CEP63: variants seen among roughly 807,000 people sequenced by gnomAD.
The protein encoded by CEP63 is centrosomal protein 63, also known as centrosomal protein of 63 kDa.
CEP63 carries 84 observed loss-of-function variants against 89.1 expected under a neutral mutation model. The observed-to-expected ratio is 0.94, with a 90% CI of 0.79 to 1.13. CEP63 has a LOEUF of 1.13. CEP63 is among the 50% of genes most tolerant of loss of function. CEP63 has a pLI of 0.00. For synonymous variants in CEP63, 267 were observed against 272.5 expected (o/e 0.98, Z 0.20); for missense variants, 838 against 813.3 (o/e 1.03, Z -0.37).
the CEP63 span, among the ~76,000 whole-genome samples, chr3:134,684,847 T>G: frequency 6.6e-6 from 1 of 152,336 alleles, no homozygotes; most frequent in East Asian, 1.9e-4. Flanking sequence ...CATATCCCTC[T>G]CTGGACCCTG....
chr3:134,652,444 G>GCCCCCCCCCCCCCC, the CEP63 span, among the ~76,000 whole-genome samples: 10 of 144,720 alleles, frequency 6.9e-5, no homozygotes, highest in African/African-American at 1.8e-4. Flanking sequence ...CATTACCAGC[G>GCCCCCCCCCCCCCC]CCCCCCCCCA....
the CEP63 span, among the ~76,000 whole-genome samples, chr3:134,667,732 G>C: frequency 3.9e-5 from 6 of 152,100 alleles, no homozygotes; most frequent in Non-Finnish European, 8.8e-5. Context: ...AGAGATGGCT[G>C]GTCTGTTGGG....
chr3:134,652,932 TC>T, the CEP63 span, among the ~76,000 whole-genome samples: 1 of 152,238 alleles, frequency 6.6e-6, no homozygotes, highest in South Asian at 2.1e-4. Flanking sequence ...GGAGCTGAAG[TC>T]CCCTTTCCTT....
At chr3:134,501,358 A>G (rs555319001) in intron 2 of CEP63, among the ~76,000 whole-genome samples, 7 of 152,092 alleles carry the variant, frequency 4.6e-5, no homozygotes, top group Non-Finnish European at 1.0e-4. Flanking sequence ...GTTTTTTTCT[A>G]ATTCTGTGAA....
Position 134,545,200 on chromosome 3 carries a change from T to C in CEP63, c.556-386T>C, listed in dbSNP as rs112177351. Among the ~76,000 whole-genome samples, 255 of 152,236 alleles carry C rather than the reference T, an allele frequency of 1.7e-3. 1 individual carries two copies. The highest frequency in any genetic ancestry group is 5.9e-3 in the African/African-American group (246 of 41,534). ...TTTTTAGTAGAGACGGGTTTCACCA[T>C]GTTGGCAAGGATGGTCTCAATCTCC... On this transcript the variant is annotated intron_variant, in intron 6 of 14. Coordinates refer to ENST00000675561, the MANE Select transcript of CEP63 (RefSeq NM_001353108.3).
intron 2 of CEP63, among the ~76,000 whole-genome samples, chr3:134,506,142 C>T (rs977268942): frequency 1.3e-5 from 2 of 152,170 alleles, no homozygotes; most frequent in Admixed American, 6.5e-5. Context: ...TGAGAGCTGT[C>T]TTGTGGCCAT....
At chr3:134,527,274 G>C (rs1948854476) in intron 3 of CEP63, among the ~76,000 whole-genome samples, 1 of 152,130 alleles carries the variant, frequency 6.6e-6, no homozygotes, top group Non-Finnish European at 1.5e-5. Flanking sequence ...GGTGGTGTTG[G>C]CTTGGGGGCA....
chr3:134,699,609 C>A, the CEP63 span, among the ~76,000 whole-genome samples: 5 of 152,342 alleles, frequency 3.3e-5, no homozygotes, highest in Non-Finnish European at 7.3e-5. Flanking sequence ...CTGATGGCTG[C>A]TCCTTGTCTG....
chr3:134,673,137 T>G, the CEP63 span, among the ~76,000 whole-genome samples: 1 of 152,190 alleles, frequency 6.6e-6, no homozygotes, highest in African/African-American at 2.4e-5. Context: ...GAGTAAATTT[T>G]GTGCCTTTGT....
the CEP63 span, among the ~76,000 whole-genome samples, chr3:134,616,258 A>G: frequency 6.6e-6 from 1 of 152,216 alleles, no homozygotes; most frequent in African/African-American, 2.4e-5. Context: ...GGACAGACAG[A>G]AGGAACTGAA....
chr3:134,549,717 T>C (rs1200495183), intron 10 of CEP63, among the ~76,000 whole-genome samples: 2 of 152,168 alleles, frequency 1.3e-5, no homozygotes, highest in Non-Finnish European at 2.9e-5. Flanking sequence ...TCCTGTGGAC[T>C]AAGATACCAT....
At chr3:134,738,980 A>C in the CEP63 span, among the ~76,000 whole-genome samples, 5 of 142,530 alleles carry the variant, frequency 3.5e-5, no homozygotes, top group East Asian at 2.1e-4. Flanking sequence ...AAAAAAAAAA[A>C]CCCAGATAAC....
the CEP63 span, chr3:134,625,179 A>G: frequency 6.7e-7 from 1 of 1,502,098 alleles, no homozygotes; most frequent in Non-Finnish European, 9.1e-7. Context: ...GACCCACTGA[A>G]GAGGGCTGCC....
chr3:134,486,095 A>G lies in CEP63; in HGVS notation c.-133A>G. 4.1e-6 allele frequency: 4 copies of G among 985,354 alleles called. No individual in the cohort carries two copies. Among genetic ancestry groups the G allele is most frequent in the Non-Finnish European group, 4.8e-6 (4 of 830,004 alleles). 61.0% of individuals were successfully genotyped at this position (985,354 alleles called of 1,614,324 possible). A position where few individuals can be genotyped will look rare whatever the true frequency, so the allele number is the denominator to read the frequency against. On this transcript the variant is annotated 5_prime_UTR_variant, in exon 1 of 15. Coordinates refer to ENST00000675561, the MANE Select transcript of CEP63 (RefSeq NM_001353108.3). ...CGTGCAGGGGAAGTCTGGAGAAGGC[A>G]TTGTTTCAATTATTAAAAGTGTGGG...
chr3:134,705,703 T>A, the CEP63 span, among the ~76,000 whole-genome samples: 3 of 152,198 alleles, frequency 2.0e-5, no homozygotes, highest in Admixed American at 2.0e-4. Flanking sequence ...CTCAGAGCTG[T>A]TGGTGGCTGC....
chr3:134,517,327 T>C (rs906105979), intron 3 of CEP63, among the ~76,000 whole-genome samples: 4 of 152,166 alleles, frequency 2.6e-5, no homozygotes, highest in African/African-American at 9.7e-5. Flanking sequence ...TTCTGTCTTA[T>C]CTGTATGTGA....
the CEP63 span, among the ~76,000 whole-genome samples, chr3:134,704,501 A>T: frequency 3.9e-5 from 6 of 152,218 alleles, no homozygotes; most frequent in Non-Finnish European, 8.8e-5. Context: ...ACAGAAAAAG[A>T]GAGAGAGAGA....
At chr3:134,620,645 C>G in the CEP63 span, 2 of 787,334 alleles carry the variant, frequency 2.5e-6, no homozygotes, top group Non-Finnish European at 4.3e-6. Context: ...CTGTCCCCCA[C>G]CTTTCATGTC....
the CEP63 span, among the ~76,000 whole-genome samples, chr3:134,626,556 G>A: frequency 6.6e-6 from 1 of 152,208 alleles, no homozygotes; most frequent in Non-Finnish European, 1.5e-5. Flanking sequence ...GACACTGCAG[G>A]TGCATTTGCC....
Sources: gnomAD v4.1 joint callset for allele counts (sites outside exome capture counted in the v4.1 genomes callset) on GRCh38, gnomAD v4.1.1 for gene constraint, MANE v1.5 for transcripts, NCBI Gene and HGNC (gene_info 2026-07-23, HGNC 2026-07-21) for gene names.